ARHGAP42: variants seen among roughly 807,000 people sequenced by gnomAD.
The protein encoded by ARHGAP42 is rho GTPase-activating protein 42.
In ARHGAP42, 63 loss-of-function variants were observed where a neutral mutation model predicts 125.0. The observed-to-expected ratio is 0.50, with a 90% CI of 0.41 to 0.62. The LOEUF (loss-of-function observed/expected upper bound fraction) is 0.62, where lower values mean the gene tolerates loss of function less well. ARHGAP42 is among the 20% of genes least tolerant of loss of function. The pLI, the probability that ARHGAP42 is intolerant of heterozygous loss-of-function variation, is 0.00. For missense variants in ARHGAP42, 766 were observed against 1,024.2 expected (o/e 0.75, Z 3.44); for synonymous variants, 339 against 351.0 (o/e 0.97, Z 0.38).
Position 100,927,166 on chromosome 11 carries a change from T to G in ARHGAP42, c.597+5562T>G, listed in dbSNP as rs530325418. 2.6e-5 allele frequency among the ~76,000 whole-genome samples: 4 copies of G among 152,320 alleles called. No individual in the cohort carries two copies. In the South Asian group the frequency reaches 8.3e-4, roughly 32 times the overall value. On this transcript the variant is annotated intron_variant, in intron 6 of 23. Transcript: ENST00000298815. ...ACTATAAAATACTTTTCAGAGTCTC[T>G]AAATTTAAAAAGCTTAAATAATTTT...
At chr11:100,711,915 A>T (rs958437422) in intron 1 of ARHGAP42, among the ~76,000 whole-genome samples, 12 of 152,250 alleles carry the variant, frequency 7.9e-5, no homozygotes, top group Admixed American at 3.9e-4. Flanking sequence ...TAGCTAAAAG[A>T]TGTAAAAATA....
intron 4 of ARHGAP42, among the ~76,000 whole-genome samples, chr11:100,863,360 C>G (rs931995265): frequency 1.3e-5 from 2 of 152,190 alleles, no homozygotes; most frequent in Non-Finnish European, 2.9e-5. Flanking sequence ...CCACTGCAGT[C>G]AGCGACCTCT....
intron 1 of ARHGAP42, among the ~76,000 whole-genome samples, chr11:100,688,327 C>T (rs1470173687): frequency 6.6e-6 from 1 of 152,096 alleles, no homozygotes; most frequent in Non-Finnish European, 1.5e-5. Context: ...CATACATTTG[C>T]AGTTTTGCCA....
At chr11:100,899,451 C>A (rs1866465793) in intron 4 of ARHGAP42, among the ~76,000 whole-genome samples, 1 of 152,170 alleles carries the variant, frequency 6.6e-6, no homozygotes, top group African/African-American at 2.4e-5. Flanking sequence ...GTGTTAAAAT[C>A]TCCCATTATT....
At chr11:100,955,456 GAA>G (rs1390865559) in intron 12 of ARHGAP42, among the ~76,000 whole-genome samples, 1 of 152,040 alleles carries the variant, frequency 6.6e-6, no homozygotes, top group Non-Finnish European at 1.5e-5. Flanking sequence ...TTGGGACTGG[GAA>G]AGTGTTCACA....
chr11:100,960,736 G>A (rs1591323663), intron 13 of ARHGAP42, among the ~76,000 whole-genome samples, 179 bp from the exon 14 acceptor site: 1 of 152,124 alleles, frequency 6.6e-6, no homozygotes, highest in African/African-American at 2.4e-5. Flanking sequence ...TCACTGTTCA[G>A]TGTCTGCTCT....
intron 2 of ARHGAP42, among the ~76,000 whole-genome samples, chr11:100,781,257 G>A (rs1863304114): frequency 6.6e-6 from 1 of 151,158 alleles, no homozygotes; most frequent in Non-Finnish European, 1.5e-5. Flanking sequence ...TTATGTACAT[G>A]TGAGGGTGGG....
At chr11:100,820,641 G>A (rs1210586712) in intron 3 of ARHGAP42, among the ~76,000 whole-genome samples, 1 of 151,912 alleles carries the variant, frequency 6.6e-6, no homozygotes, top group Non-Finnish European at 1.5e-5. Context: ...TATTTTAATC[G>A]CTCCATGCTC....
chr11:100,766,269 T>A (rs1291623586), intron 1 of ARHGAP42, among the ~76,000 whole-genome samples: 1 of 151,758 alleles, frequency 6.6e-6, no homozygotes, highest in African/African-American at 2.4e-5. Flanking sequence ...GAAGTATCTT[T>A]ACCTTGCACA....
chr11:100,808,310 A>T (rs1025411542), intron 3 of ARHGAP42, among the ~76,000 whole-genome samples: 15 of 152,138 alleles, frequency 9.9e-5, no homozygotes, highest in Admixed American at 2.6e-4. Context: ...ATTTAACTTG[A>T]TAATTTGATA....
chr11:100,762,325 C>CT lies in ARHGAP42; in HGVS notation c.155-8010dup, dbSNP rs909123767. Among the ~76,000 whole-genome samples the CT allele has an allele frequency of 9.2e-5, 14 of 151,972 alleles. No homozygotes were observed. The South Asian group carries it at 1.3e-3, about 14-fold the overall frequency. The stretch of plus-strand genomic sequence containing the variant: ...CTGTAGTGACGCAGGGTAGCCTGTG[C>CT]TTTTTTTTGCATTTTCAGGGGAATG... On this transcript the variant is annotated intron_variant, in intron 1 of 23. Transcript: ENST00000298815.
At chr11:100,910,100 A>G (rs2135226754) in intron 4 of ARHGAP42, among the ~76,000 whole-genome samples, 1 of 151,832 alleles carries the variant, frequency 6.6e-6, no homozygotes, top group South Asian at 2.1e-4. Context: ...AACTGATTGC[A>G]GACCCAAATG....
chr11:100,781,259 G>A (rs905401045), intron 2 of ARHGAP42, among the ~76,000 whole-genome samples: 2 of 151,444 alleles, frequency 1.3e-5, no homozygotes, highest in Admixed American at 6.6e-5. Context: ...ATGTACATGT[G>A]AGGGTGGGGA....
chr11:100,930,335 A>AT (rs1452700511), intron 6 of ARHGAP42, among the ~76,000 whole-genome samples: 3 of 152,226 alleles, frequency 2.0e-5, no homozygotes, highest in Non-Finnish European at 4.4e-5. Context: ...ATGAACAAGT[A>AT]TATGTTCAAA....
At chr11:100,754,656 T>C (rs1862532070) in intron 1 of ARHGAP42, among the ~76,000 whole-genome samples, 1 of 152,248 alleles carries the variant, frequency 6.6e-6, no homozygotes, top group Non-Finnish European at 1.5e-5. Flanking sequence ...TTGTTTGTGA[T>C]GCTTTAGTTC....
chr11:100,794,173 A>T (rs1377819773), intron 2 of ARHGAP42, among the ~76,000 whole-genome samples: 1 of 148,068 alleles, frequency 6.8e-6, no homozygotes, highest in Admixed American at 6.7e-5. Flanking sequence ...AACTTTGGTT[A>T]ATTATTCATT....
chr11:100,756,446 A>T (rs1313136362), intron 1 of ARHGAP42, among the ~76,000 whole-genome samples: 1 of 152,138 alleles, frequency 6.6e-6, no homozygotes, highest in Non-Finnish European at 1.5e-5. Flanking sequence ...GAATATATGA[A>T]CTGTAGTAAA....
intron 4 of ARHGAP42, among the ~76,000 whole-genome samples, chr11:100,875,572 G>C (rs529342792): frequency 3.9e-4 from 60 of 152,264 alleles, no homozygotes; most frequent in African/African-American, 1.3e-3. Flanking sequence ...ACTCTCGGCC[G>C]AGACGGGAAG....
chr11:100,744,230 A>G (rs893727208), intron 1 of ARHGAP42, among the ~76,000 whole-genome samples: 13 of 152,180 alleles, frequency 8.5e-5, no homozygotes, highest in African/African-American at 3.1e-4. Context: ...CAGCCTCCCA[A>G]AGTGATGGGA....
Sources: gnomAD v4.1 joint callset for allele counts (sites outside exome capture counted in the v4.1 genomes callset) on GRCh38, gnomAD v4.1.1 for gene constraint, MANE v1.5 for transcripts, NCBI Gene and HGNC (gene_info 2026-07-23, HGNC 2026-07-21) for gene names.